PRKG1: variants seen among roughly 807,000 people sequenced by gnomAD.
The protein encoded by PRKG1 is protein kinase cGMP-dependent 1.
A neutral mutation model predicts 88.1 loss-of-function variants in PRKG1; 35 were observed. That is an observed-to-expected ratio of 0.40 (90% confidence interval 0.30 to 0.53). PRKG1 has a LOEUF of 0.53. PRKG1 is among the 20% of genes least tolerant of loss of function. The pLI is 0.59. For missense variants in PRKG1, 540 were observed against 839.8 expected, an observed-to-expected ratio of 0.64 and a Z score of 4.41; for synonymous variants, 303 against 292.5, an observed-to-expected ratio of 1.04 and a Z score of -0.37.
At chr10:51,246,325 G>A (rs1839288654) in intron 2 of PRKG1, among the ~76,000 whole-genome samples, 2 of 152,076 alleles carry the variant, frequency 1.3e-5, no homozygotes, top group Non-Finnish European at 2.9e-5. Flanking sequence ...TGGGAGCAGA[G>A]GTTGCAAACC....
At chr10:51,813,266 A>G (rs1839503032) in intron 4 of PRKG1, among the ~76,000 whole-genome samples, 1 of 152,250 alleles carries the variant, frequency 6.6e-6, no homozygotes, top group Admixed American at 6.5e-5. Flanking sequence ...GATGTATGAC[A>G]TAACCACATT....
chr10:51,391,632 G>A (rs1246961095), intron 2 of PRKG1, among the ~76,000 whole-genome samples: 2 of 152,206 alleles, frequency 1.3e-5, no homozygotes, highest in Non-Finnish European at 2.9e-5. Context: ...TCTAGGCAGA[G>A]AAAGGATTAG....
chr10:51,283,220 GA>G (rs149811387), intron 2 of PRKG1, among the ~76,000 whole-genome samples: 3 of 146,444 alleles, frequency 2.0e-5, no homozygotes, highest in East Asian at 4.0e-4. Flanking sequence ...AAACTATAAG[GA>G]AAAAAAAACA....
intron 3 of PRKG1, among the ~76,000 whole-genome samples, chr10:51,520,225 T>A (rs191376887): frequency 8.7e-5 from 13 of 149,620 alleles, no homozygotes; most frequent in Admixed American, 6.7e-4. Flanking sequence ...ACAAATTAAA[T>A]GTATATTGTG....
At chr10:51,519,819 C>G (rs1028182125) in intron 3 of PRKG1, among the ~76,000 whole-genome samples, 1 of 152,068 alleles carries the variant, frequency 6.6e-6, no homozygotes, top group Non-Finnish European at 1.5e-5. Context: ...CTACTTCATG[C>G]GACAGCTAAA....
intron 1 of PRKG1, among the ~76,000 whole-genome samples, chr10:51,128,571 G>T (rs1845487721): frequency 6.6e-6 from 1 of 152,126 alleles, no homozygotes; most frequent in Admixed American, 6.6e-5. Flanking sequence ...TGACCTCTAG[G>T]CTGAACAGAT....
At chr10:52,082,576 A>G (rs1846805404) in intron 7 of PRKG1, among the ~76,000 whole-genome samples, 1 of 152,110 alleles carries the variant, frequency 6.6e-6, no homozygotes, top group African/African-American at 2.4e-5. Flanking sequence ...CTAACACAGT[A>G]TTGTACTTGA....
chr10:51,647,213 G>A (rs540410556), intron 3 of PRKG1, among the ~76,000 whole-genome samples: 3 of 151,376 alleles, frequency 2.0e-5, no homozygotes, highest in Non-Finnish European at 4.4e-5. Context: ...GTCTACAAAC[G>A]GAAGGTTTTC....
chr10:51,392,709 C>A (rs1362041489), intron 2 of PRKG1, among the ~76,000 whole-genome samples: 1 of 149,664 alleles, frequency 6.7e-6, no homozygotes, highest in Non-Finnish European at 1.5e-5. Context: ...TAGGGGCGGC[C>A]GGGCAGAGGC....
At chr10:52,078,191 C>T (rs1846680246) in intron 7 of PRKG1, among the ~76,000 whole-genome samples, 1 of 152,150 alleles carries the variant, frequency 6.6e-6, no homozygotes, top group South Asian at 2.1e-4. Flanking sequence ...GATTTGCTAA[C>T]CTGGAGAAAT....
At chr10:51,656,914 C>T (rs1176189198) in intron 3 of PRKG1, among the ~76,000 whole-genome samples, 2 of 152,132 alleles carry the variant, frequency 1.3e-5, no homozygotes, top group South Asian at 2.1e-4. Context: ...CTGAAAGCTT[C>T]GTGACTATGA....
chr10:51,437,986 C>T (rs1275257801), intron 2 of PRKG1, among the ~76,000 whole-genome samples: 1 of 151,644 alleles, frequency 6.6e-6, no homozygotes, highest in Non-Finnish European at 1.5e-5. Context: ...AACATTGCTG[C>T]TGAAACTATG....
intron 3 of PRKG1, among the ~76,000 whole-genome samples, chr10:51,744,311 A>T (rs939581741): frequency 1.3e-5 from 2 of 152,172 alleles, no homozygotes; most frequent in Non-Finnish European, 2.9e-5. Flanking sequence ...AAAGCAGAAG[A>T]GCTGGGACTT....
intron 3 of PRKG1, among the ~76,000 whole-genome samples, chr10:51,742,772 CTT>C (rs1458521009): frequency 6.6e-6 from 1 of 152,032 alleles, no homozygotes; most frequent in Non-Finnish European, 1.5e-5. Flanking sequence ...GAAATCAACT[CTT>C]TATGTGGTAA....
intron 1 of PRKG1, among the ~76,000 whole-genome samples, chr10:51,051,163 G>A (rs1316652862): frequency 2.6e-5 from 4 of 152,132 alleles, no homozygotes; most frequent in African/African-American, 7.2e-5. Flanking sequence ...TATTCAGTTT[G>A]ACAGAATCCT....
chr10:51,235,022 T>G (rs563563866), intron 2 of PRKG1, among the ~76,000 whole-genome samples: 1 of 152,182 alleles, frequency 6.6e-6, no homozygotes, highest in African/African-American at 2.4e-5. Flanking sequence ...GAATATGTCC[T>G]GGTCATGGAC....
At chr10:51,438,765 T>G (rs911196526) in intron 2 of PRKG1, among the ~76,000 whole-genome samples, 1 of 151,922 alleles carries the variant, frequency 6.6e-6, no homozygotes, top group African/African-American at 2.4e-5. Context: ...TACTGGCCAA[T>G]GAAGGGTCTG....
intron 2 of PRKG1, among the ~76,000 whole-genome samples, chr10:51,312,335 C>G (rs1298463655): frequency 6.6e-6 from 1 of 152,184 alleles, no homozygotes; most frequent in Non-Finnish European, 1.5e-5. Flanking sequence ...CTACAAAACT[C>G]TCACTCAACA....
chr10:52,189,851 A>G (rs59013085), intron 9 of PRKG1, among the ~76,000 whole-genome samples: 13,557 of 152,264 alleles, frequency 0.089, 807 homozygotes, highest in South Asian at 0.25. Flanking sequence ...CAAAAAGTAG[A>G]TTTATCCTGC....
Sources: gnomAD v4.1 joint callset for allele counts (sites outside exome capture counted in the v4.1 genomes callset) on GRCh38, gnomAD v4.1.1 for gene constraint, MANE v1.5 for transcripts, NCBI Gene and HGNC (gene_info 2026-07-23, HGNC 2026-07-21) for gene names.